CCDC15: variants seen among roughly 807,000 people sequenced by gnomAD.
The protein encoded by CCDC15 is coiled-coil domain containing 15.
CCDC15 carries 105 observed loss-of-function variants against 114.5 expected under a neutral mutation model. The ratio of observed to expected loss-of-function variants is 0.92; its 90% confidence interval spans 0.78 to 1.08. The LOEUF (loss-of-function observed/expected upper bound fraction) is 1.08, where lower values mean the gene tolerates loss of function less well. Ranked by LOEUF, CCDC15 falls within the 50% of genes least tolerant of loss-of-function variation. The pLI is 0.00. For synonymous variants in CCDC15, 334 were observed against 377.8 expected (o/e 0.88, Z 1.34); for missense variants, 1,105 against 1,093.6 (o/e 1.01, Z -0.15).
intron 4 of CCDC15, among the ~76,000 whole-genome samples, chr11:124,969,345 C>T (rs1226629431): frequency 1.3e-5 from 2 of 152,028 alleles, no homozygotes; most frequent in Non-Finnish European, 2.9e-5. Context: ...TATATAGAAC[C>T]AGTATTTTGT....
intron 4 of CCDC15, among the ~76,000 whole-genome samples, chr11:124,963,847 A>T (rs1278308953): frequency 6.6e-6 from 1 of 152,222 alleles, no homozygotes; most frequent in South Asian, 2.1e-4. Flanking sequence ...ATCCAGTTTC[A>T]GCTTTCTACA....
chr11:124,970,830 T>C (rs924506872), intron 4 of CCDC15, among the ~76,000 whole-genome samples: 4 of 152,230 alleles, frequency 2.6e-5, no homozygotes, highest in Non-Finnish European at 1.5e-5. Flanking sequence ...CTTTAAATTT[T>C]ACTATCTAAT....
At chr11:125,018,511 A>G (rs1948642387) in intron 13 of CCDC15, among the ~76,000 whole-genome samples, 1 of 152,094 alleles carries the variant, frequency 6.6e-6, no homozygotes, top group Non-Finnish European at 1.5e-5. Context: ...TAGTATTACA[A>G]GATAATACAG....
chr11:124,954,940 G>A, intron 2 of CCDC15, 31 bp downstream of exon 2: 1 of 1,603,636 alleles, frequency 6.2e-7, no homozygotes, highest in South Asian at 1.1e-5. Flanking sequence ...AATATGGTGG[G>A]GTTCCCCACC....
In CCDC15 at chr11:124,959,204, C is replaced by T; in HGVS notation, c.267C>T (p.Tyr89=). Residue 89 remains tyrosine, a synonymous_variant, in exon 3 of 16, where the codon TAC becomes TAT. Coordinates refer to ENST00000344762, the MANE Select transcript of CCDC15 (RefSeq NM_025004.3). ...ALKHFQKQVK[Y]RVNQQIRLRK... is the part of the protein sequence containing the mutation. ...AACATTTTCAGAAACAAGTTAAATACCGAGTAAATCAACAAATTAGGTTGA... is the reference window on the plus strand; with the variant it reads ...AACATTTTCAGAAACAAGTTAAATATCGAGTAAATCAACAAATTAGGTTGA... 6.3e-7 allele frequency: 1 copy of T among 1,588,366 alleles called. No homozygotes were observed. The highest frequency in any genetic ancestry group is 8.5e-7 in the Non-Finnish European group (1 of 1,170,110).
rs76359821 is a variant in CCDC15, at chr11:125,006,048, G to A, written c.2411+836G>A. Among the ~76,000 whole-genome samples the A allele has an allele frequency of 1.5e-4, 23 of 152,234 alleles. No homozygotes were observed. In the East Asian group the frequency reaches 3.9e-3, roughly 26 times the overall value. On this transcript the variant is annotated intron_variant, in intron 13 of 15. Coordinates refer to ENST00000344762, the MANE Select transcript of CCDC15 (RefSeq NM_025004.3). ...AATCTATGTACAAGTTTTTGTGGGGGCATACATTTTTAGCTTATTTGAGTA... is the reference window on the plus strand; with the variant it reads ...AATCTATGTACAAGTTTTTGTGGGGACATACATTTTTAGCTTATTTGAGTA...
In CCDC15 at chr11:124,992,705, A is replaced by ACTGTATTC; in HGVS notation, c.2139+18_2139+19insCTGTATTC. On this transcript the variant is annotated intron_variant, in intron 10 of 15. Coordinates refer to ENST00000344762, the MANE Select transcript of CCDC15 (RefSeq NM_025004.3). The stretch of plus-strand genomic sequence containing the variant: ...GAGAACAGGTAGAACCGAATACAGT[A>ACTGTATTC]GGAGGACTGTATACCTTCTAAAAGG... The ACTGTATTC allele has an allele frequency of 1.5e-6, 2 of 1,313,042 alleles. No homozygotes were observed. Among genetic ancestry groups the ACTGTATTC allele is most frequent in the Non-Finnish European group, 1.1e-6 (1 of 924,842 alleles). The allele number at this position is 1,313,042 out of a possible 1,614,324, so 81.3% of individuals were successfully genotyped here.
chr11:125,035,662 T>A (rs1448442308), intron 13 of CCDC15, among the ~76,000 whole-genome samples: 1 of 152,208 alleles, frequency 6.6e-6, no homozygotes, highest in South Asian at 2.1e-4. Context: ...TCTTCTTCTT[T>A]CCTGTCTTTT....
At chr11:125,021,713 G>A (rs182380972) in intron 13 of CCDC15, among the ~76,000 whole-genome samples, 3 of 151,842 alleles carry the variant, frequency 2.0e-5, no homozygotes, top group African/African-American at 7.2e-5. Flanking sequence ...TACCAAAAGA[G>A]GGACGGGGCT....
intron 4 of CCDC15, among the ~76,000 whole-genome samples, chr11:124,965,064 TG>T (rs1363815338): frequency 1.1e-4 from 17 of 152,242 alleles, no homozygotes; most frequent in African/African-American, 3.9e-4. Flanking sequence ...TGAAGATTTT[TG>T]CATCGATGTT....
intron 4 of CCDC15, among the ~76,000 whole-genome samples, chr11:124,967,793 ATGG>A (rs1310319340): frequency 7.2e-5 from 11 of 152,220 alleles, no homozygotes; most frequent in Admixed American, 6.5e-4. Flanking sequence ...GTCTTTGATG[ATGG>A]TGACCTACAG....
intron 5 of CCDC15, 83 bp from the exon 6 acceptor site, chr11:124,977,395 A>G: frequency 7.8e-7 from 1 of 1,283,906 alleles, no homozygotes; most frequent in Non-Finnish European, 1.0e-6. Context: ...ATAATTTTAG[A>G]TCTTTCACAG....
intron 4 of CCDC15, among the ~76,000 whole-genome samples, chr11:124,968,777 A>G (rs1429988264): frequency 6.6e-6 from 1 of 152,154 alleles, no homozygotes; most frequent in Non-Finnish European, 1.5e-5. Flanking sequence ...GTTCCTATTC[A>G]GCCATCTTGG....
chr11:124,960,869 T>G (rs1947647647), intron 4 of CCDC15, among the ~76,000 whole-genome samples: 1 of 152,146 alleles, frequency 6.6e-6, no homozygotes, highest in African/African-American at 2.4e-5. Flanking sequence ...TTACTAGAAA[T>G]AATGAGAGGA....
Position 124,954,784 on chromosome 11 carries a change from C to T in CCDC15, c.52C>T (p.Leu18=), listed in dbSNP as rs1395845457. ...ACCTCGAAATACCTCAAGGTTGCCC[C>T]TGGCTTTAAACCCCCTGAAGAGCAA... The part of the protein sequence containing the change: ...KKPRNTSRLP[L]ALNPLKSKDV... The change falls in exon 2 of 16, where the codon CTG becomes TTG. Residue 18 remains leucine, a synonymous_variant. Coordinates refer to ENST00000344762, the MANE Select transcript of CCDC15 (RefSeq NM_025004.3). 6.2e-7 allele frequency: 1 copy of T among 1,614,012 alleles called. No individual in the cohort carries two copies.
chr11:124,989,375 C>A (rs931544582), intron 8 of CCDC15, among the ~76,000 whole-genome samples: 1 of 152,148 alleles, frequency 6.6e-6, no homozygotes, highest in African/African-American at 2.4e-5. Flanking sequence ...CTTTGTTATT[C>A]CCTTCACAAA....
At chr11:125,017,792 T>G (rs1413692189) in intron 13 of CCDC15, among the ~76,000 whole-genome samples, 1 of 152,100 alleles carries the variant, frequency 6.6e-6, no homozygotes, top group Non-Finnish European at 1.5e-5. Flanking sequence ...TGACCCTGTG[T>G]AGGCCTAGGC....
chr11:125,040,842 G>A lies in CCDC15; in HGVS notation c.*131G>A. The A allele has an allele frequency of 1.3e-6, 1 of 782,636 alleles. No individual in the cohort carries two copies. Among genetic ancestry groups the A allele is most frequent in the South Asian group, 2.0e-5 (1 of 51,024 alleles). 48.5% of individuals were successfully genotyped at this position (782,636 alleles called of 1,614,324 possible). A position where few individuals can be genotyped will look rare whatever the true frequency, so the allele number is the denominator to read the frequency against. On this transcript the variant is annotated 3_prime_UTR_variant, in exon 16 of 16. Coordinates refer to ENST00000344762, the MANE Select transcript of CCDC15 (RefSeq NM_025004.3). Reference sequence around the variant, plus strand: ...GAAATACTGTCTCATATAATAATTAGATTGTAATCATTGTTTTAATCTCTG... The same window carrying A: ...GAAATACTGTCTCATATAATAATTAAATTGTAATCATTGTTTTAATCTCTG...
At chr11:125,008,871 C>G (rs1406231868) in intron 13 of CCDC15, among the ~76,000 whole-genome samples, 1 of 151,778 alleles carries the variant, frequency 6.6e-6, no homozygotes, top group Non-Finnish European at 1.5e-5. Context: ...AGAGCTCAAC[C>G]CCAGTTGTCT....
Sources: gnomAD v4.1 joint callset for allele counts (sites outside exome capture counted in the v4.1 genomes callset) on GRCh38, gnomAD v4.1.1 for gene constraint, MANE v1.5 for transcripts, NCBI Gene and HGNC (gene_info 2026-07-23, HGNC 2026-07-21) for gene names.